Variants in NAALADL2 observed in about 807,000 individuals in gnomAD.
NAALADL2 encodes the protein inactive N-acetylated-alpha-linked acidic dipeptidase-like protein 2.
In NAALADL2, 76 loss-of-function variants were observed where a neutral mutation model predicts 87.2. That is an observed-to-expected ratio of 0.87 (90% CI 0.72 to 1.05). NAALADL2 has a LOEUF of 1.05. Ranked by LOEUF, NAALADL2 falls within the 50% of genes least tolerant of loss-of-function variation. The pLI, the probability that NAALADL2 is intolerant of heterozygous loss-of-function variation, is 0.00. For missense variants in NAALADL2, 1,089 were observed against 945.8 expected, an observed-to-expected ratio of 1.15 and a Z score of -1.99; for synonymous variants, 354 against 331.0, an observed-to-expected ratio of 1.07 and a Z score of -0.75.
At chr3:175,107,224 A>G (rs1723315260) in intron 2 of NAALADL2, among the ~76,000 whole-genome samples, 1 of 152,004 alleles carries the variant, frequency 6.6e-6, no homozygotes, top group African/African-American at 2.4e-5. Context: ...TTAAGATGAG[A>G]TTGAGATATA....
At chr3:174,640,057 G>C (rs765253044) in intron 2 of NAALADL2, among the ~76,000 whole-genome samples, 1 of 152,144 alleles carries the variant, frequency 6.6e-6, no homozygotes, top group Non-Finnish European at 1.5e-5. Context: ...AAGTTAGCTT[G>C]TTATTTGTAA....
chr3:175,433,976 C>T (rs976206727), intron 5 of NAALADL2, among the ~76,000 whole-genome samples: 3 of 151,754 alleles, frequency 2.0e-5, no homozygotes, highest in Admixed American at 6.6e-5. Context: ...TTTTTTCTTC[C>T]AAGTGTATCT....
chr3:175,484,739 G>A (rs947169702), intron 9 of NAALADL2, among the ~76,000 whole-genome samples: 1 of 152,112 alleles, frequency 6.6e-6, no homozygotes, highest in Non-Finnish European at 1.5e-5. Context: ...CTGCATTATC[G>A]ATAGCAAATT....
chr3:174,744,554 A>G (rs758266363), intron 3 of NAALADL2, among the ~76,000 whole-genome samples: 1 of 152,114 alleles, frequency 6.6e-6, no homozygotes, highest in African/African-American at 2.4e-5. Context: ...ACAGAAAATT[A>G]ACAAGGATAT....
intron 1 of NAALADL2, among the ~76,000 whole-genome samples, chr3:174,870,007 CAAAAAAAA>C (rs71624295): frequency 1.6e-5 from 1 of 62,862 alleles, no homozygotes; most frequent in African/African-American, 6.4e-5. Flanking sequence ...CCCCACCCGC[CAAAAAAAA>C]AAAAAAAAAA....
chr3:174,564,351 G>A lies in NAALADL2; in HGVS notation c.-115+13714G>A, dbSNP rs151135494. ...TAATCAAGGCATTTAATCTTTCTAA[G>A]TTAGGACACAGAATAAAAGGAGGAG... On this transcript the variant is annotated intron_variant, in intron 2 of 3. Transcript: ENST00000434257. 7.9e-5 allele frequency among the ~76,000 whole-genome samples: 12 copies of A among 152,232 alleles called. No homozygotes were observed. The East Asian group carries it at 2.1e-3, about 27-fold the overall frequency.
intron 4 of NAALADL2, among the ~76,000 whole-genome samples, chr3:175,298,504 T>A (rs1756651679): frequency 6.6e-6 from 1 of 152,142 alleles, no homozygotes; most frequent in African/African-American, 2.4e-5. Flanking sequence ...TAAAAATTTA[T>A]TATTGTTCCA....
chr3:175,083,847 C>T (rs1029762227), intron 1 of NAALADL2, among the ~76,000 whole-genome samples: 2 of 152,122 alleles, frequency 1.3e-5, no homozygotes, highest in African/African-American at 4.8e-5. Context: ...AGATGCTATA[C>T]CTATTTTGAA....
At position 174,583,885 on chromosome 3, in the gene NAALADL2, A is replaced by G. The variant is rs530867394; in HGVS notation, c.-115+33248A>G. Among the ~76,000 whole-genome samples the G allele has an allele frequency of 1.2e-4, 19 of 152,328 alleles. No homozygotes were observed. In the South Asian group the frequency reaches 2.7e-3, roughly 22 times the overall value. On this transcript the variant is annotated intron_variant, in intron 2 of 3. Transcript: ENST00000434257. ...CTTTAGACACAAGGGACTCATCACAAGAACCACATGTACTTTTTCTGAGTC... is the reference window on the plus strand; with the variant it reads ...CTTTAGACACAAGGGACTCATCACAGGAACCACATGTACTTTTTCTGAGTC...
chr3:174,689,699 G>A (rs622002), intron 2 of NAALADL2, among the ~76,000 whole-genome samples: 71,856 of 151,166 alleles, frequency 0.48, 17,689 homozygotes, highest in East Asian at 0.68. Context: ...TTATCTTGAT[G>A]CCCTCTAGAA....
At chr3:174,729,403 ACT>A (rs1316209660) in intron 2 of NAALADL2, among the ~76,000 whole-genome samples, 2 of 152,064 alleles carry the variant, frequency 1.3e-5, no homozygotes, top group East Asian at 3.8e-4. Flanking sequence ...TCAAGGACAC[ACT>A]GTTAGTAAGT....
At chr3:175,735,965 A>C (rs1410502210) in intron 11 of NAALADL2, among the ~76,000 whole-genome samples, 1 of 152,186 alleles carries the variant, frequency 6.6e-6, no homozygotes, top group Non-Finnish European at 1.5e-5. Flanking sequence ...CACTAACCAC[A>C]TTTCACACTG....
intron 5 of NAALADL2, among the ~76,000 whole-genome samples, chr3:175,436,378 G>T (rs1252543039): frequency 6.7e-6 from 1 of 149,012 alleles, no homozygotes; most frequent in Non-Finnish European, 1.5e-5. Flanking sequence ...TAATGGGATG[G>T]CTGGGTCAAA....
chr3:175,041,849 ATATG>A (rs1754111423), intron 1 of NAALADL2, among the ~76,000 whole-genome samples: 1 of 152,158 alleles, frequency 6.6e-6, no homozygotes, highest in African/African-American at 2.4e-5. Context: ...ATATTTTAAT[ATATG>A]TATATATTGT....
At chr3:175,201,313 G>A (rs140105630) in intron 2 of NAALADL2, among the ~76,000 whole-genome samples, 26 of 152,260 alleles carry the variant, frequency 1.7e-4, no homozygotes, top group African/African-American at 2.6e-4. Context: ...AATTCTAATT[G>A]TATGTATGCT....
At chr3:174,458,654 G>A (rs572440167) in intron 1 of NAALADL2, 2 of 152,298 alleles carry the variant, frequency 1.3e-5, no homozygotes, top group Admixed American at 6.5e-5. Context: ...GTTACTCACA[G>A]AATTTTCTTG....
intron 9 of NAALADL2, among the ~76,000 whole-genome samples, chr3:175,540,870 G>C (rs1225250093): frequency 6.6e-6 from 1 of 152,102 alleles, no homozygotes; most frequent in Non-Finnish European, 1.5e-5. Flanking sequence ...TAATATTAAA[G>C]AGCCAAAGAT....
chr3:175,591,784 G>GTGTATA (rs1443245536), intron 10 of NAALADL2, among the ~76,000 whole-genome samples: 11 of 137,066 alleles, frequency 8.0e-5, no homozygotes, highest in Admixed American at 2.9e-4. Flanking sequence ...GTGTGTGTGT[G>GTGTATA]TATATATATA....
At chr3:175,231,451 A>G (rs1343461444) in intron 2 of NAALADL2, among the ~76,000 whole-genome samples, 1 of 152,058 alleles carries the variant, frequency 6.6e-6, no homozygotes, top group Admixed American at 6.6e-5. Context: ...ACATTTTTTC[A>G]CTCATTAATT....
Sources: gnomAD v4.1 joint callset for allele counts (sites outside exome capture counted in the v4.1 genomes callset) on GRCh38, gnomAD v4.1.1 for gene constraint, MANE v1.5 for transcripts, NCBI Gene and HGNC (gene_info 2026-07-23, HGNC 2026-07-21) for gene names.